Variants in DNAH5 observed in about 807,000 individuals in gnomAD.
DNAH5 encodes the protein dynein axonemal heavy chain 5.
Under a neutral mutation model 518.2 loss-of-function variants are expected in DNAH5, and 372 were observed. The observed-to-expected ratio is 0.72, with a 90% CI of 0.66 to 0.78. DNAH5 has a LOEUF of 0.78. DNAH5 is among the 30% of genes least tolerant of loss of function. The pLI is 0.00. For missense variants in DNAH5, 5,523 were observed against 5,687.0 expected (o/e 0.97, Z 0.93); for synonymous variants, 2,039 against 2,025.9 (o/e 1.01, Z -0.17).
chr5:13,969,350 C>G (rs578000778), intron 1 of DNAH5, among the ~76,000 whole-genome samples: 42 of 151,958 alleles, frequency 2.8e-4, no homozygotes, highest in African/African-American at 9.9e-4. Context: ...TTATTTTCTT[C>G]TGTTGAGTTT....
At chr5:13,807,012 G>T (rs1054343116) in intron 47 of DNAH5, among the ~76,000 whole-genome samples, 4 of 152,206 alleles carry the variant, frequency 2.6e-5, no homozygotes, top group African/African-American at 9.6e-5. Flanking sequence ...TAGACTGAAA[G>T]AGAATTCAAC....
In DNAH5 at chr5:13,791,979, T is replaced by C. The variant is rs747226525; in HGVS notation, c.8448+15A>G. ...TAGCAATGTTATTTGTTTTTCTTTC[T>C]TCAGTGTCACTTACATTTGGTTCCT... On this transcript the variant is annotated intron_variant, in intron 50 of 78. Coordinates refer to ENST00000265104, the MANE Select transcript of DNAH5 (RefSeq NM_001369.3). 2 of 1,599,308 alleles carry C rather than the reference T, an allele frequency of 1.3e-6. No individual in the cohort carries two copies. The highest frequency in any genetic ancestry group is 4.5e-5 in the East Asian group (2 of 44,774).
intron 12 of DNAH5, among the ~76,000 whole-genome samples, chr5:13,905,001 G>T (rs1490700678): frequency 6.6e-6 from 1 of 152,174 alleles, no homozygotes; most frequent in East Asian, 1.9e-4. Flanking sequence ...ATAACCAAAA[G>T]AAAGTCGAAG....
chr5:13,864,392 T>C lies in DNAH5; in HGVS notation c.4596+5A>G. On this transcript the variant is annotated splice_donor_5th_base_variant and intron_variant, in intron 28 of 78. Coordinates refer to ENST00000265104, the MANE Select transcript of DNAH5 (RefSeq NM_001369.3). ...CTTGCAATCTTCCATCACATCATAC[T>C]CTACCTCTATTTCCTCTTTATATTT... 5.0e-6 allele frequency: 8 copies of C among 1,613,738 alleles called. No individual in the cohort carries two copies. The highest frequency in any genetic ancestry group is 6.8e-6 in the Non-Finnish European group (8 of 1,179,968).
At chr5:13,783,486 A>G (rs769411858) in intron 52 of DNAH5, among the ~76,000 whole-genome samples, 9 of 152,150 alleles carry the variant, frequency 5.9e-5, no homozygotes, top group Non-Finnish European at 1.2e-4. Flanking sequence ...TGGGTGGGGA[A>G]TACACATGGG....
chr5:13,870,734 T>C, intron 24 of DNAH5, 33 bp downstream of exon 24: 1 of 1,576,462 alleles, frequency 6.3e-7, no homozygotes, highest in South Asian at 1.1e-5. Flanking sequence ...CATGTAGAAA[T>C]ATTTCTATAA....
intron 59 of DNAH5, 41 bp downstream of exon 59, chr5:13,765,935 G>A: frequency 2.5e-6 from 4 of 1,585,278 alleles, no homozygotes; most frequent in Non-Finnish European, 2.6e-6. Context: ...CACCAGTGAA[G>A]AATGAGTTCC....
chr5:13,859,883 C>T (rs893421717), intron 29 of DNAH5, among the ~76,000 whole-genome samples: 1 of 152,082 alleles, frequency 6.6e-6, no homozygotes, highest in African/African-American at 2.4e-5. Context: ...ACCAAGCTTC[C>T]AGGGTAATAT....
chr5:13,830,270 A>C (rs1449988165), intron 36 of DNAH5, 57 bp from the exon 37 acceptor site: 8 of 1,492,184 alleles, frequency 5.4e-6, no homozygotes, highest in Non-Finnish European at 7.4e-6. Context: ...GAAAACCAAG[A>C]AAAAGGATAT....
At chr5:13,719,339 G>A (rs969345290) in intron 71 of DNAH5, among the ~76,000 whole-genome samples, 4 of 152,014 alleles carry the variant, frequency 2.6e-5, no homozygotes, top group Admixed American at 6.6e-5. Context: ...CTATATGGTC[G>A]CAATCATGAA....
At chr5:13,979,851 T>TC (rs1782545049) in intron 1 of DNAH5, among the ~76,000 whole-genome samples, 1 of 151,216 alleles carries the variant, frequency 6.6e-6, no homozygotes, top group Admixed American at 6.6e-5. Context: ...GGTTTTTTTT[T>TC]TTTTTTTGAG....
At chr5:13,982,188 A>C (rs1037698605) in intron 1 of DNAH5, among the ~76,000 whole-genome samples, 1 of 152,270 alleles carries the variant, frequency 6.6e-6, no homozygotes, top group Non-Finnish European at 1.5e-5. Flanking sequence ...TCGTATGACA[A>C]TAAACTTTCA....
chr5:13,739,499 C>G (rs1261028129), intron 65 of DNAH5, among the ~76,000 whole-genome samples: 1 of 152,134 alleles, frequency 6.6e-6, no homozygotes, highest in Non-Finnish European at 1.5e-5. Context: ...AACCTCTTTC[C>G]TTTATAAATT....
chr5:13,693,706 T>C (rs931547598), intron 78 of DNAH5, among the ~76,000 whole-genome samples: 5 of 152,184 alleles, frequency 3.3e-5, no homozygotes, highest in Non-Finnish European at 5.9e-5. Flanking sequence ...AACAAAGCGT[T>C]ACCCAGACCA....
chr5:13,788,924 G>A lies in DNAH5; in HGVS notation c.8449-10C>T. ...ACAGCTTTAACAGATCCTGTTGAAA[G>A]TATAATTAAAATGTGTTAGTAATTC... On this transcript the variant is annotated splice_polypyrimidine_tract_variant and intron_variant, in intron 50 of 78. Coordinates refer to ENST00000265104, the MANE Select transcript of DNAH5 (RefSeq NM_001369.3). 3 of 1,612,714 alleles carry A rather than the reference G, an allele frequency of 1.9e-6. No individual in the cohort carries two copies. The highest frequency in any genetic ancestry group is 2.5e-6 in the Non-Finnish European group (3 of 1,178,832).
chr5:13,920,972 G>A (rs1049192269), intron 5 of DNAH5, among the ~76,000 whole-genome samples: 4 of 129,160 alleles, frequency 3.1e-5, no homozygotes, highest in African/African-American at 1.3e-4. Flanking sequence ...TAGATAGAAT[G>A]CCAGCAATTT....
intron 3 of DNAH5, among the ~76,000 whole-genome samples, 187 bp from the exon 4 acceptor site, chr5:13,923,627 G>A (rs1777538961): frequency 6.6e-6 from 1 of 152,162 alleles, no homozygotes; most frequent in Admixed American, 6.5e-5. Flanking sequence ...TTTGATTCCA[G>A]ATCATAGGTT....
At chr5:13,817,361 G>T (rs1761576158) in intron 42 of DNAH5, among the ~76,000 whole-genome samples, 187 bp downstream of exon 42, 1 of 152,036 alleles carries the variant, frequency 6.6e-6, no homozygotes, top group Non-Finnish European at 1.5e-5. Flanking sequence ...CTAAAAGGGA[G>T]CATTTTAAAT....
intron 41 of DNAH5, among the ~76,000 whole-genome samples, chr5:13,818,662 G>T (rs1020913245): frequency 1.3e-5 from 2 of 152,136 alleles, no homozygotes; most frequent in African/African-American, 4.8e-5. Context: ...CTACTCATGG[G>T]ATACTTGTCC....
Sources: gnomAD v4.1 joint callset for allele counts (sites outside exome capture counted in the v4.1 genomes callset) on GRCh38, gnomAD v4.1.1 for gene constraint, MANE v1.5 for transcripts, NCBI Gene and HGNC (gene_info 2026-07-23, HGNC 2026-07-21) for gene names.